P2RY8: variants seen among roughly 807,000 people sequenced by gnomAD.
The protein encoded by P2RY8 is S-geranylgeranyl-glutathione receptor P2RY8.
P2RY8 carries 6 observed loss-of-function variants against 10.0 expected under a neutral mutation model. That is an observed-to-expected ratio of 0.60 (90% CI 0.33 to 1.19). The LOEUF is 1.19. Among genes scored for constraint, P2RY8 ranks in the 50% most tolerant of loss-of-function variants. P2RY8 has a pLI of 0.04. For missense variants in P2RY8, 456 were observed against 542.0 expected (o/e 0.84, Z 1.58); for synonymous variants, 276 against 252.5 (o/e 1.09, Z -0.88).
chrX:1,476,061 C>T (rs1417080081), intron 1 of P2RY8, among the ~76,000 whole-genome samples: 1 of 152,144 alleles, frequency 6.6e-6, no homozygotes, highest in African/African-American at 2.4e-5. Context: ...GGCACAGGGG[C>T]TGTCCAGAGC....
intron 1 of P2RY8, among the ~76,000 whole-genome samples, chrX:1,521,521 C>G (rs75962703): frequency 0.11 from 16,505 of 152,146 alleles, 1,015 homozygotes; most frequent in Non-Finnish European, 0.14. Context: ...TGGAACACGG[C>G]TTGCAACCAC....
intron 1 of P2RY8, among the ~76,000 whole-genome samples, chrX:1,517,493 C>A (rs2092360135): frequency 6.6e-6 from 1 of 152,158 alleles, no homozygotes; most frequent in Non-Finnish European, 1.5e-5. Context: ...CCTTAGACTG[C>A]TGTTCCACCC....
At chrX:1,483,729 CAA>C (rs1316846698) in intron 1 of P2RY8, among the ~76,000 whole-genome samples, 1 of 152,084 alleles carries the variant, frequency 6.6e-6, no homozygotes, top group Non-Finnish European at 1.5e-5. Context: ...CCTTAAAACC[CAA>C]AGAGGGGCTC....
intron 1 of P2RY8, among the ~76,000 whole-genome samples, chrX:1,504,192 T>A (rs1404672150): frequency 1.3e-5 from 2 of 151,642 alleles, no homozygotes; most frequent in Non-Finnish European, 2.9e-5. Context: ...TGCAGGCGCC[T>A]GTAGTCCCAG....
Position 1,465,239 on chromosome X carries a change from C to T in P2RY8, c.*240G>A. On this transcript the variant is annotated 3_prime_UTR_variant, in exon 2 of 2. Coordinates refer to ENST00000381297, the MANE Select transcript of P2RY8 (RefSeq NM_178129.5). ...GGCACCCTCTGCAGGATAACAAGCA[C>T]CCTGTGCGCTGCTGGGCTTTGCTTG... is the stretch of plus-strand genomic sequence containing the variant. 1 of 617,786 alleles carries T rather than the reference C, an allele frequency of 1.6e-6. No homozygotes were observed. Among genetic ancestry groups the T allele is most frequent in the South Asian group, 2.3e-5 (1 of 43,156 alleles). The allele number at this position is 617,786 out of a possible 1,614,324, so 38.3% of individuals were successfully genotyped here.
chrX:1,532,723 C>T (rs1415644397), intron 1 of P2RY8, among the ~76,000 whole-genome samples: 14 of 151,756 alleles, frequency 9.2e-5, no homozygotes, highest in Non-Finnish European at 1.8e-4. Flanking sequence ...CCACAACGGC[C>T]GGATGCGGTG....
chrX:1,532,770 G>C (rs1221514385), intron 1 of P2RY8, among the ~76,000 whole-genome samples: 1 of 151,874 alleles, frequency 6.6e-6, no homozygotes, highest in Non-Finnish European at 1.5e-5. Context: ...GGGAGGTCGA[G>C]GTGGGCAGAT....
intron 1 of P2RY8, among the ~76,000 whole-genome samples, chrX:1,486,927 C>A (rs1415232168): frequency 1.3e-5 from 2 of 152,232 alleles, no homozygotes; most frequent in Non-Finnish European, 2.9e-5. Flanking sequence ...CGGTCACAGC[C>A]AGGCTGACCC....
At chrX:1,536,053 C>T (rs2092523913) in intron 1 of P2RY8, among the ~76,000 whole-genome samples, 1 of 152,044 alleles carries the variant, frequency 6.6e-6, no homozygotes, top group East Asian at 1.9e-4. Context: ...CTTTAAAACC[C>T]GTTTAATTTA....
chrX:1,464,545 A>C lies in P2RY8; in HGVS notation c.*934T>G, dbSNP rs766491222. 3.4e-5 allele frequency: 8 copies of C among 233,202 alleles called. No homozygotes were observed. Among genetic ancestry groups the C allele is most frequent in the East Asian group, 1.2e-4 (2 of 16,586 alleles). 14.4% of individuals were successfully genotyped at this position (233,202 alleles called of 1,614,324 possible). A position where few individuals can be genotyped will look rare whatever the true frequency, so the allele number is the denominator to read the frequency against. ...GCGGAGAATGGGCAGGAGGTGGGGAACTCCCGAATCAAGCTGCACCCTTGT... is the reference window on the plus strand; with the variant it reads ...GCGGAGAATGGGCAGGAGGTGGGGACCTCCCGAATCAAGCTGCACCCTTGT... On this transcript the variant is annotated 3_prime_UTR_variant, in exon 2 of 2. Coordinates refer to ENST00000381297, the MANE Select transcript of P2RY8 (RefSeq NM_178129.5).
At chrX:1,488,205 G>C (rs1332758284) in intron 1 of P2RY8, among the ~76,000 whole-genome samples, 4 of 152,126 alleles carry the variant, frequency 2.6e-5, no homozygotes, top group Admixed American at 2.6e-4. Context: ...GCCTGCCTGA[G>C]TTATTCCTGG....
At chrX:1,488,571 G>A (rs1441439920) in intron 1 of P2RY8, among the ~76,000 whole-genome samples, 21 of 152,148 alleles carry the variant, frequency 1.4e-4, no homozygotes, top group Non-Finnish European at 2.6e-4. Context: ...CCATGGACCT[G>A]CCAGAGCCTC....
At chrX:1,467,416 G>C (rs1287936686) in intron 1 of P2RY8, among the ~76,000 whole-genome samples, 1 of 152,084 alleles carries the variant, frequency 6.6e-6, no homozygotes, top group Admixed American at 6.6e-5. Context: ...CCGTGCCCAG[G>C]TGTGAAACCT....
At position 1,465,431 on chromosome X, in the gene P2RY8, TGGATCTCCAAGCTGCGCCCCC is replaced by T; in HGVS notation, c.*27_*47del. On this transcript the variant is annotated 3_prime_UTR_variant, in exon 2 of 2. Coordinates refer to ENST00000381297, the MANE Select transcript of P2RY8 (RefSeq NM_178129.5). ...GCACCGTGGCCTCTCCATGCGCCCC[TGGATCTCCAAGCTGCGCCCCC>T]GGCTCTCCAAGCTGCGCCCCCGGGA... 6.4e-7 allele frequency: 1 copy of T among 1,552,178 alleles called. No individual in the cohort carries two copies. The highest frequency in any genetic ancestry group is 8.7e-7 in the Non-Finnish European group (1 of 1,153,950).
chrX:1,482,935 G>C (rs1470291480), intron 1 of P2RY8, among the ~76,000 whole-genome samples: 2 of 151,256 alleles, frequency 1.3e-5, no homozygotes, highest in South Asian at 2.1e-4. Flanking sequence ...ACACACCGGG[G>C]ACTGTTGTGG....
At chrX:1,529,816 A>G (rs1245865973) in intron 1 of P2RY8, among the ~76,000 whole-genome samples, 1 of 151,944 alleles carries the variant, frequency 6.6e-6, no homozygotes, top group Non-Finnish European at 1.5e-5. Flanking sequence ...TCTATCATTT[A>G]TCTGCCTACC....
At chrX:1,493,741 C>CA (rs1212386124) in intron 1 of P2RY8, among the ~76,000 whole-genome samples, 4 of 152,166 alleles carry the variant, frequency 2.6e-5, no homozygotes, top group African/African-American at 9.6e-5. Context: ...GTCAAAGGAA[C>CA]AATTGGCTTG....
intron 1 of P2RY8, among the ~76,000 whole-genome samples, chrX:1,521,983 G>C (rs1459358964): frequency 1.8e-5 from 1 of 54,804 alleles, no homozygotes. Flanking sequence ...ATGGAGTTTT[G>C]CTCTTGCTGC....
intron 1 of P2RY8, among the ~76,000 whole-genome samples, chrX:1,522,375 A>T (rs1229754747): frequency 2.6e-5 from 4 of 152,132 alleles, no homozygotes; most frequent in African/African-American, 9.7e-5. Context: ...ACCTCGATGT[A>T]GTTTCAGAAT....
Sources: allele counts gnomAD v4.1 joint callset (sites outside exome capture counted in the v4.1 genomes callset), GRCh38; gene constraint gnomAD v4.1.1; transcripts MANE v1.5; gene names NCBI Gene and HGNC (gene_info 2026-07-23, HGNC 2026-07-21).